Variants in CENPP observed in about 807,000 individuals in gnomAD.
The protein encoded by CENPP is centromere protein P.
A neutral mutation model predicts 35.6 loss-of-function variants in CENPP; 24 were observed. The ratio of observed to expected loss-of-function variants is 0.67; its 90% CI spans 0.49 to 0.95. The LOEUF (loss-of-function observed/expected upper bound fraction) is 0.95. Among genes scored for constraint, CENPP ranks in the 40% least tolerant of loss-of-function variants. CENPP has a pLI of 0.00. For synonymous variants in CENPP, 120 were observed against 125.5 expected (o/e 0.96, Z 0.29); for missense variants, 332 against 345.3 (o/e 0.96, Z 0.31).
At position 92,412,929 on chromosome 9, in the gene CENPP, T is replaced by C. The variant is rs1843484112; in HGVS notation, c.564+33070T>C. ...TGTGAACATGTGTGTTCAGTTCTAT[T>C]GGGTATATAGTTAGGAATGGAATCG... is the stretch of plus-strand genomic sequence containing the variant. On this transcript the variant is annotated intron_variant, in intron 5 of 7. Transcript: ENST00000375587. 1.3e-5 allele frequency among the ~76,000 whole-genome samples: 2 copies of C among 151,086 alleles called. 1 individual carries two copies. The highest frequency in any genetic ancestry group is 4.2e-4 in the South Asian group (2 of 4,802).
chr9:92,616,334 A>C lies in CENPP; in HGVS notation c.*3185A>C, dbSNP rs1851433875. 1 of 365,900 alleles carries C rather than the reference A, an allele frequency of 2.7e-6. No individual in the cohort carries two copies. The allele number at this position is 365,900 out of a possible 1,614,324, so 22.7% of individuals were successfully genotyped here. On this transcript the variant is annotated 3_prime_UTR_variant, in exon 8 of 8. Transcript: ENST00000375587. ...GTGCAAAGCTTCCTCAGGCCAGTGC[A>C]CCCCACCATACCAGGCGAGAGAGGG... is the stretch of plus-strand genomic sequence containing the variant.
At chr9:92,540,201 G>A (rs1849285081) in intron 5 of CENPP, among the ~76,000 whole-genome samples, 1 of 152,164 alleles carries the variant, frequency 6.6e-6, no homozygotes, top group Non-Finnish European at 1.5e-5. Context: ...CACTTCGGGA[G>A]GCCGAAGCTG....
chr9:92,578,940 C>T (rs1384088747), intron 5 of CENPP, among the ~76,000 whole-genome samples: 2 of 152,170 alleles, frequency 1.3e-5, no homozygotes, highest in Non-Finnish European at 2.9e-5. Flanking sequence ...TTAGGTCTAA[C>T]GTTTCAGTCT....
intron 5 of CENPP, among the ~76,000 whole-genome samples, chr9:92,592,580 A>G (rs753534444): frequency 3.9e-5 from 6 of 152,216 alleles, no homozygotes; most frequent in Non-Finnish European, 7.3e-5. Context: ...TTCTGGCTCT[A>G]TGAACAGTAG....
Position 92,466,079 on chromosome 9 carries a change from C to T in CENPP, c.564+86220C>T, listed in dbSNP as rs1163976820. ...AACTCCTGACCTTAGGAGATCCGCC[C>T]GCCTTGGCCTCCCAAAGTGTTGGGA... On this transcript the variant is annotated intron_variant, in intron 5 of 7. Transcript: ENST00000375587. 4.6e-5 allele frequency among the ~76,000 whole-genome samples: 7 copies of T among 152,132 alleles called. No individual in the cohort carries two copies. In the East Asian group the frequency reaches 5.8e-4, roughly 13 times the overall value.
At chr9:92,370,592 T>C (rs140815289) in intron 4 of CENPP, among the ~76,000 whole-genome samples, 4,532 of 152,280 alleles carry the variant, frequency 0.03, 96 homozygotes, top group South Asian at 0.048. Context: ...GCGATTCTCC[T>C]GCCTCAGCCT....
chr9:92,605,015 C>T (rs1273349288), intron 5 of CENPP, among the ~76,000 whole-genome samples: 2 of 151,816 alleles, frequency 1.3e-5, no homozygotes, highest in African/African-American at 4.8e-5. Flanking sequence ...AACAGAATCT[C>T]AGTTGCCCAG....
intron 5 of CENPP, among the ~76,000 whole-genome samples, chr9:92,412,691 G>A (rs72752461): frequency 3.9e-5 from 6 of 152,184 alleles, no homozygotes; most frequent in Admixed American, 1.3e-4. Context: ...TCAGTGCTTC[G>A]TTACTTTTTA....
intron 5 of CENPP, among the ~76,000 whole-genome samples, chr9:92,577,326 C>T (rs2131361982): frequency 6.6e-6 from 1 of 152,200 alleles, no homozygotes; most frequent in Non-Finnish European, 1.5e-5. Flanking sequence ...CCAGCCTGGC[C>T]AACATGGCAA....
chr9:92,492,392 TTGA>T (rs1846195994), intron 5 of CENPP, among the ~76,000 whole-genome samples: 1 of 152,246 alleles, frequency 6.6e-6, no homozygotes, highest in Non-Finnish European at 1.5e-5. Context: ...AATAATCGTC[TTGA>T]TGACCCCTGG....
intron 5 of CENPP, among the ~76,000 whole-genome samples, chr9:92,477,667 T>C (rs961480150): frequency 6.6e-6 from 1 of 152,148 alleles, no homozygotes; most frequent in East Asian, 1.9e-4. Context: ...CTCGTCAGAA[T>C]GCTGAATTTC....
At chr9:92,500,927 GCC>G (rs775427154) in intron 5 of CENPP, 1 of 1,614,040 alleles carries the variant, frequency 6.2e-7, no homozygotes, top group African/African-American at 1.3e-5. Context: ...GTTCCATGTG[GCC>G]AAACACATAG....
chr9:92,407,266 C>T (rs1843331192), intron 5 of CENPP, among the ~76,000 whole-genome samples: 1 of 152,112 alleles, frequency 6.6e-6, no homozygotes, highest in Non-Finnish European at 1.5e-5. Context: ...AACCCAAATC[C>T]CTTATCCTAC....
chr9:92,428,552 T>G (rs543596895), intron 5 of CENPP, among the ~76,000 whole-genome samples: 1 of 152,310 alleles, frequency 6.6e-6, no homozygotes, highest in East Asian at 1.9e-4. Flanking sequence ...AAGTATCTTT[T>G]TGGTCTGTCT....
chr9:92,473,203 T>C (rs1160067217), intron 5 of CENPP, among the ~76,000 whole-genome samples: 1 of 152,042 alleles, frequency 6.6e-6, no homozygotes, highest in Non-Finnish European at 1.5e-5. Context: ...TGTTCTGGAG[T>C]AGTTTTATGC....
chr9:92,608,273 G>A (rs564454174), intron 5 of CENPP, among the ~76,000 whole-genome samples: 1 of 152,128 alleles, frequency 6.6e-6, no homozygotes, highest in Non-Finnish European at 1.5e-5. Context: ...TCTTGGCCTC[G>A]ATTTTAAATG....
At chr9:92,566,927 A>G (rs550344881) in intron 5 of CENPP, among the ~76,000 whole-genome samples, 2 of 152,354 alleles carry the variant, frequency 1.3e-5, no homozygotes, top group East Asian at 3.9e-4. Flanking sequence ...AAACAGAGAA[A>G]CTTGAAAGCA....
At chr9:92,381,480 C>T (rs960528674) in intron 5 of CENPP, among the ~76,000 whole-genome samples, 13 of 152,202 alleles carry the variant, frequency 8.5e-5, no homozygotes, top group African/African-American at 2.4e-4. Context: ...GATGCAGTTT[C>T]GCCGTGTTGC....
At chr9:92,530,938 C>T (rs1176851854) in intron 5 of CENPP, among the ~76,000 whole-genome samples, 1 of 152,038 alleles carries the variant, frequency 6.6e-6, no homozygotes, top group African/African-American at 2.4e-5. Context: ...AACATGTGGT[C>T]TTTGGTTTTC....
Sources: allele counts gnomAD v4.1 joint callset (sites outside exome capture counted in the v4.1 genomes callset), GRCh38; gene constraint gnomAD v4.1.1; transcripts MANE v1.5; gene names NCBI Gene and HGNC (gene_info 2026-07-23, HGNC 2026-07-21).